Variants in NCS1 observed in about 807,000 individuals in gnomAD.
The protein encoded by NCS1 is frequenin homolog.
Under a neutral mutation model 28.4 loss-of-function variants are expected in NCS1, and 6 were observed. The observed-to-expected ratio is 0.21, with a 90% confidence interval of 0.12 to 0.42. The LOEUF (loss-of-function observed/expected upper bound fraction) is 0.42, where lower values mean the gene tolerates loss of function less well. NCS1 is among the 10% of genes least tolerant of loss of function. The pLI, the probability that NCS1 is intolerant of heterozygous loss-of-function variation, is 1.00. For synonymous variants in NCS1, 86 were observed against 99.3 expected (o/e 0.87, Z 0.79); for missense variants, 131 against 241.4 (o/e 0.54, Z 3.03).
At chr9:130,179,144 G>A (rs946607295) in intron 1 of NCS1, among the ~76,000 whole-genome samples, 4 of 151,362 alleles carry the variant, frequency 2.6e-5, no homozygotes, top group African/African-American at 9.7e-5. Context: ...TATTGGTCAG[G>A]CTGGTCTCGA....
intron 1 of NCS1, among the ~76,000 whole-genome samples, chr9:130,194,586 C>T (rs1430664482): frequency 6.6e-6 from 1 of 152,194 alleles, no homozygotes; most frequent in Non-Finnish European, 1.5e-5. Flanking sequence ...TTGACAATGG[C>T]TCTGCCTGGT....
rs570237887 is a variant in NCS1 at position 130,220,489 on chromosome 9, C to G, written c.307+686C>G. On this transcript the variant is annotated intron_variant, in intron 4 of 7. Coordinates refer to ENST00000372398, the MANE Select transcript of NCS1 (RefSeq NM_014286.4). ...GGCGCAGAGCTGGGGATGAGAGGAGCTGGGGATGAGAGGAGCTGGGGAGGG... is the reference window on the plus strand; with the variant it reads ...GGCGCAGAGCTGGGGATGAGAGGAGGTGGGGATGAGAGGAGCTGGGGAGGG... Among the ~76,000 whole-genome samples, 16 of 152,012 alleles carry G rather than the reference C, an allele frequency of 1.1e-4. No homozygotes were observed. The South Asian group carries it at 1.9e-3, about 18-fold the overall frequency.
chr9:130,223,878 T>C (rs1833373420), intron 6 of NCS1, among the ~76,000 whole-genome samples: 1 of 152,056 alleles, frequency 6.6e-6, no homozygotes, highest in South Asian at 2.1e-4. Context: ...ATCTTCGCCC[T>C]GTCACCCAGG....
intron 2 of NCS1, among the ~76,000 whole-genome samples, chr9:130,205,444 T>C (rs148681064): frequency 3.6e-4 from 53 of 147,432 alleles, no homozygotes; most frequent in African/African-American, 1.3e-3. Flanking sequence ...CTCAGGAGGC[T>C]GAGGTGGGAG....
In NCS1 at chr9:130,185,815, C is replaced by T. The variant is rs375924405; in HGVS notation, c.64+13088C>T. 8.7e-4 allele frequency among the ~76,000 whole-genome samples: 133 copies of T among 152,392 alleles called. 1 individual carries two copies. The highest frequency in any genetic ancestry group is 2.7e-3 in the African/African-American group (113 of 41,606). On this transcript the variant is annotated intron_variant, in intron 1 of 7. Coordinates refer to ENST00000372398, the MANE Select transcript of NCS1 (RefSeq NM_014286.4). ...GCCAGTGGCCCCACCACCCCCTGCG[C>T]GCCCAGCAGCCCACACAGCCTTGCC...
intron 1 of NCS1, 52 bp downstream of exon 1, chr9:130,172,779 C>T: frequency 1.1e-6 from 1 of 934,370 alleles, no homozygotes; most frequent in Non-Finnish European, 1.5e-6. Context: ...CCACACCCAC[C>T]GCCCCCGCCC....
Position 130,232,659 on chromosome 9 carries a change from G to A in NCS1, c.*18-331G>A, listed in dbSNP as rs1399106974. On this transcript the variant is annotated intron_variant, in intron 7 of 7. Coordinates refer to ENST00000372398, the MANE Select transcript of NCS1 (RefSeq NM_014286.4). The surrounding 1 kb of genome is among the most constrained non-coding windows in gnomAD (Gnocchi z 4.4). ...AAATTAGCCAGGCATGGTGGCGGGC[G>A]CCTGTAATCCCAGCTACTTGGGAGG... Among the ~76,000 whole-genome samples, 3 of 152,142 alleles carry A rather than the reference G, an allele frequency of 2.0e-5. No homozygotes were observed. The highest frequency in any genetic ancestry group is 2.1e-4 in the South Asian group (1 of 4,820).
At chr9:130,222,444 T>C (rs1554910695) in intron 4 of NCS1, among the ~76,000 whole-genome samples, 2 of 152,198 alleles carry the variant, frequency 1.3e-5, no homozygotes, top group East Asian at 3.9e-4. Context: ...TGAGCCACCA[T>C]GCCCAGCCTT....
intron 2 of NCS1, among the ~76,000 whole-genome samples, chr9:130,201,426 T>G (rs1204901552): frequency 7.2e-5 from 11 of 152,170 alleles, no homozygotes; most frequent in Admixed American, 7.2e-4. Context: ...CTATTCAATC[T>G]GTCGTAGCTG....
In NCS1 at chr9:130,215,534, T is replaced by C. The variant is rs1437524032; in HGVS notation, c.90-2298T>C. Among the ~76,000 whole-genome samples, 3 of 152,108 alleles carry C rather than the reference T, an allele frequency of 2.0e-5. No homozygotes were observed. Among genetic ancestry groups the C allele is most frequent in the Non-Finnish European group, 4.4e-5 (3 of 68,012 alleles). The stretch of plus-strand genomic sequence containing the variant: ...AGGGACGGATGCTGGGGTCGCACAC[T>C]GGCCGGCAGGGCAGAGGACAGGAGA... On this transcript the variant is annotated intron_variant, in intron 2 of 7. Coordinates refer to ENST00000372398, the MANE Select transcript of NCS1 (RefSeq NM_014286.4). This position sits in a 1 kb window ranked among gnomAD's most constrained non-coding sequence, Gnocchi z 4.2.
intron 1 of NCS1, among the ~76,000 whole-genome samples, chr9:130,176,210 G>T (rs1341210143): frequency 0.01 from 327 of 31,170 alleles, no homozygotes; most frequent in African/African-American, 0.013. Context: ...TTTTTTTTTT[G>T]GAGACAGGGT....
At chr9:130,203,046 ATGTGTGTG>A (rs113946626) in intron 2 of NCS1, among the ~76,000 whole-genome samples, 173 of 142,698 alleles carry the variant, frequency 1.2e-3, no homozygotes, top group East Asian at 6.4e-3. Flanking sequence ...CAGGGTAAAT[ATGTGTGTG>A]TGTGTGTGTG....
chr9:130,187,818 C>T (rs559739184), intron 1 of NCS1, among the ~76,000 whole-genome samples: 10 of 152,304 alleles, frequency 6.6e-5, no homozygotes, highest in South Asian at 4.1e-4. Flanking sequence ...CCTGCTCTAC[C>T]GGCTATGACA....
At position 130,235,910 on chromosome 9, in the gene NCS1, A is replaced by T. The variant is rs1833583840; in HGVS notation, c.*2938A>T. The T allele has an allele frequency of 6.6e-6, 1 of 152,338 alleles. No homozygotes were observed. Among genetic ancestry groups the T allele is most frequent in the African/African-American group, 2.4e-5 (1 of 41,464 alleles). 9.4% of individuals were successfully genotyped at this position (152,338 alleles called of 1,614,324 possible). ...TCGCACTGGGGCCAGGGCAGGCACC[A>T]GCCCCAGGCGGCCAGTCGGCCACGG... On this transcript the variant is annotated 3_prime_UTR_variant, in exon 8 of 8. Transcript: ENST00000372398.
In NCS1 at chr9:130,180,025, A is replaced by G. The variant is rs1302693258; in HGVS notation, c.64+7298A>G. Among the ~76,000 whole-genome samples, 1 of 151,348 alleles carries G rather than the reference A, an allele frequency of 6.6e-6. No homozygotes were observed. Among genetic ancestry groups the G allele is most frequent in the Non-Finnish European group, 1.5e-5 (1 of 67,926 alleles). On this transcript the variant is annotated intron_variant, in intron 1 of 7. Coordinates refer to ENST00000372398, the MANE Select transcript of NCS1 (RefSeq NM_014286.4). This position sits in a 1 kb window ranked among gnomAD's most constrained non-coding sequence, Gnocchi z 4.5. The stretch of plus-strand genomic sequence containing the variant: ...TATCTATCTATCTATCTATCTATCT[A>G]TCTATCTATCTATCTATCTATCTAT...
chr9:130,231,433 G>A (rs1405471793), intron 7 of NCS1, among the ~76,000 whole-genome samples: 1 of 151,806 alleles, frequency 6.6e-6, no homozygotes, highest in Admixed American at 6.6e-5. Context: ...GCCCAGGCTG[G>A]AGTGCAATGA....
intron 2 of NCS1, among the ~76,000 whole-genome samples, chr9:130,212,146 G>A (rs949943254): frequency 1.3e-5 from 2 of 152,124 alleles, no homozygotes; most frequent in Admixed American, 6.5e-5. Context: ...CTGGATGTTG[G>A]GACGATGGGG....
At chr9:130,176,274 C>T (rs1368386605) in intron 1 of NCS1, among the ~76,000 whole-genome samples, 9 of 149,328 alleles carry the variant, frequency 6.0e-5, no homozygotes, top group African/African-American at 2.2e-4. Flanking sequence ...CTCACTTAAA[C>T]CTTGACCTCC....
At position 130,219,575 on chromosome 9, in the gene NCS1, C is replaced by G. The variant is rs1452022009; in HGVS notation, c.229-150C>G. 2.1e-5 allele frequency: 15 copies of G among 708,906 alleles called. No homozygotes were observed. In the African/African-American group the frequency reaches 2.6e-4, roughly 12 times the overall value. The allele number at this position is 708,906 out of a possible 1,614,324, so 43.9% of individuals were successfully genotyped here. A position where few individuals can be genotyped will look rare whatever the true frequency, so the allele number is the denominator to read the frequency against. ...CCCCACCCTCTCCTTGCCTCTCGCC[C>G]CCCATTCCTTCGAGCCTGCCCTCTC... On this transcript the variant is annotated intron_variant, in intron 3 of 7. Transcript: ENST00000372398. The surrounding 1 kb of genome is among the most constrained non-coding windows in gnomAD (Gnocchi z 5.7).
Sources: allele counts gnomAD v4.1 joint callset (sites outside exome capture counted in the v4.1 genomes callset), GRCh38; gene constraint gnomAD v4.1.1; non-coding constraint Gnocchi (gnomAD v3.1); transcripts MANE v1.5; gene names NCBI Gene and HGNC (gene_info 2026-07-23, HGNC 2026-07-21).